KIF26B: variants seen among roughly 807,000 people sequenced by gnomAD.
KIF26B encodes the protein kinesin family member 26B.
Under a neutral mutation model 151.2 loss-of-function variants are expected in KIF26B, and 63 were observed. The ratio of observed to expected loss-of-function variants is 0.42; its 90% confidence interval spans 0.34 to 0.51. The LOEUF is 0.51. Ranked by LOEUF, KIF26B falls within the 20% of genes least tolerant of loss-of-function variation. KIF26B has a pLI of 0.07. For missense variants in KIF26B, 2,813 were observed against 2,913.6 expected (o/e 0.97, Z 0.79); for synonymous variants, 1,357 against 1,262.1 (o/e 1.08, Z -1.59).
intron 10 of KIF26B, among the ~76,000 whole-genome samples, chr1:245,649,072 G>A (rs1380765100): frequency 6.6e-6 from 1 of 152,136 alleles, no homozygotes; most frequent in African/African-American, 2.4e-5. Flanking sequence ...ACATCCATTG[G>A]CCAGTGCGTT....
chr1:245,505,585 GT>G (rs1660716047), intron 4 of KIF26B, among the ~76,000 whole-genome samples: 1 of 151,338 alleles, frequency 6.6e-6, no homozygotes, highest in Non-Finnish European at 1.5e-5. Flanking sequence ...GGGTTTCACC[GT>G]GTTGGCCAGG....
rs572762373 is a variant in KIF26B at position 245,270,719 on chromosome 1, G to A, written c.466-96115G>A. Among the ~76,000 whole-genome samples the A allele has an allele frequency of 8.3e-4, 127 of 152,258 alleles. 1 individual carries two copies. The highest frequency in any genetic ancestry group is 2.9e-3 in the African/African-American group (121 of 41,540). ...TGCATGTATTTTCTCCCACTGCACA[G>A]GTTACCTTTTCACTCTGTTGATGCT... On this transcript the variant is annotated intron_variant, in intron 2 of 14. Coordinates refer to ENST00000407071, the MANE Select transcript of KIF26B (RefSeq NM_018012.4).
intron 4 of KIF26B, among the ~76,000 whole-genome samples, chr1:245,422,828 G>T (rs1408871671): frequency 6.6e-6 from 1 of 152,160 alleles, no homozygotes; most frequent in African/African-American, 2.4e-5. Flanking sequence ...GCTGGGCATG[G>T]TGGCTCACGC....
intron 2 of KIF26B, among the ~76,000 whole-genome samples, chr1:245,336,804 A>G (rs1262538335): frequency 6.6e-6 from 1 of 152,234 alleles, no homozygotes; most frequent in East Asian, 1.9e-4. Context: ...ATTAAACTGG[A>G]AAGACTGGCT....
intron 3 of KIF26B, 144 bp from the exon 4 acceptor site, chr1:245,419,435 C>T (rs1658415213): frequency 1.7e-6 from 1 of 597,136 alleles, no homozygotes. Flanking sequence ...TCCAGTAGCC[C>T]TAAGCATCCA....
At chr1:245,321,326 G>T (rs1398283397) in intron 2 of KIF26B, among the ~76,000 whole-genome samples, 1 of 152,136 alleles carries the variant, frequency 6.6e-6, no homozygotes, top group Non-Finnish European at 1.5e-5. Context: ...ACATTCACTG[G>T]TTTCTTTCCA....
At position 245,512,515 on chromosome 1, in the gene KIF26B, C is replaced by G. The variant is rs1430322638; in HGVS notation, c.1167-28252C>G. Among the ~76,000 whole-genome samples the G allele has an allele frequency of 6.6e-6, 1 of 152,142 alleles. No homozygotes were observed. The highest frequency in any genetic ancestry group is 2.4e-5 in the African/African-American group (1 of 41,426). Reference sequence around the variant, plus strand: ...CTTACAAACCTGACCCAAAGTGTTCCTAACAACTTTATTAATTGGGGTTTA... The same window carrying G: ...CTTACAAACCTGACCCAAAGTGTTCGTAACAACTTTATTAATTGGGGTTTA... On this transcript the variant is annotated intron_variant, in intron 4 of 14. Coordinates refer to ENST00000407071, the MANE Select transcript of KIF26B (RefSeq NM_018012.4). This position sits in a 1 kb window ranked among gnomAD's most constrained non-coding sequence, Gnocchi z 4.3.
chr1:245,293,128 G>A (rs1488885702), intron 2 of KIF26B, among the ~76,000 whole-genome samples: 1 of 152,166 alleles, frequency 6.6e-6, no homozygotes, highest in East Asian at 1.9e-4. Flanking sequence ...ATGTGTGTGT[G>A]TGTTTAATCT....
chr1:245,249,894 C>G (rs1333992454), intron 2 of KIF26B, among the ~76,000 whole-genome samples: 1 of 152,096 alleles, frequency 6.6e-6, no homozygotes, highest in East Asian at 1.9e-4. Context: ...TGAAGGCAAC[C>G]TTACCTAGAT....
chr1:245,434,501 T>C (rs1344030798), intron 4 of KIF26B, among the ~76,000 whole-genome samples: 1 of 152,174 alleles, frequency 6.6e-6, no homozygotes, highest in African/African-American at 2.4e-5. Context: ...CCATAGCAGA[T>C]ACTGCTGGTC....
chr1:245,602,032 T>C lies in KIF26B; in HGVS notation c.1351-545T>C. On this transcript the variant is annotated intron_variant, in intron 5 of 14. Coordinates refer to ENST00000407071, the MANE Select transcript of KIF26B (RefSeq NM_018012.4). The surrounding 1 kb of genome is among the most constrained non-coding windows in gnomAD (Gnocchi z 4.5). ...AATAACACGTCGCAGACCAGTCTTT[T>C]ATCACTGTTGCCCCTTGGAACACAT... Among the ~76,000 whole-genome samples, 1 of 152,226 alleles carries C rather than the reference T, an allele frequency of 6.6e-6. No homozygotes were observed.
chr1:245,595,748 CTT>C (rs2043331143), intron 5 of KIF26B, among the ~76,000 whole-genome samples: 1 of 152,130 alleles, frequency 6.6e-6, no homozygotes, highest in Non-Finnish European at 1.5e-5. Context: ...ATCAGCTCTT[CTT>C]TGTACCTCTG....
chr1:245,438,126 T>C (rs1658978709), intron 4 of KIF26B, among the ~76,000 whole-genome samples: 1 of 152,226 alleles, frequency 6.6e-6, no homozygotes, highest in African/African-American at 2.4e-5. Flanking sequence ...TGTGCTCAAA[T>C]AATACACCCC....
intron 2 of KIF26B, 144 bp from the exon 3 acceptor site, chr1:245,366,690 G>C: frequency 1.4e-6 from 1 of 694,244 alleles, no homozygotes; most frequent in Admixed American, 2.9e-5. Context: ...CTGCCAGTGT[G>C]TCTTCTCATT....
At chr1:245,462,484 C>T (rs1384438911) in intron 4 of KIF26B, among the ~76,000 whole-genome samples, 1 of 152,188 alleles carries the variant, frequency 6.6e-6, no homozygotes, top group Non-Finnish European at 1.5e-5. Flanking sequence ...GCCAGCAAAT[C>T]AAAGCCAGAA....
At chr1:245,603,444 C>A (rs1333994324) in intron 6 of KIF26B, among the ~76,000 whole-genome samples, 2 of 152,180 alleles carry the variant, frequency 1.3e-5, no homozygotes, top group Non-Finnish European at 2.9e-5. Flanking sequence ...CTCTTCTGGT[C>A]CTAGCTCAGC....
chr1:245,213,105 G>A (rs1669577078), intron 2 of KIF26B, among the ~76,000 whole-genome samples: 1 of 152,248 alleles, frequency 6.6e-6, no homozygotes, highest in South Asian at 2.1e-4. Context: ...AACCTTGTTC[G>A]TTTTGATTTC....
At chr1:245,523,112 G>T (rs555979192) in intron 4 of KIF26B, among the ~76,000 whole-genome samples, 1 of 152,132 alleles carries the variant, frequency 6.6e-6, no homozygotes, top group South Asian at 2.1e-4. Flanking sequence ...TAAGGAACTT[G>T]ACCATGGCCA....
At chr1:245,269,709 C>T (rs914262819) in intron 2 of KIF26B, among the ~76,000 whole-genome samples, 6 of 152,060 alleles carry the variant, frequency 3.9e-5, no homozygotes, top group African/African-American at 1.4e-4. Context: ...GTGATCCATC[C>T]ACCTTGGCCT....
Sources: allele counts gnomAD v4.1 joint callset (sites outside exome capture counted in the v4.1 genomes callset), GRCh38; gene constraint gnomAD v4.1.1; non-coding constraint Gnocchi (gnomAD v3.1); transcripts MANE v1.5; gene names NCBI Gene and HGNC (gene_info 2026-07-23, HGNC 2026-07-21).